The following DLG5 variants were observed in gnomAD, a reference collection of about 807,000 sequenced individuals.
The protein encoded by DLG5 is discs large MAGUK scaffold protein 5, also known as disks large homolog 5.
DLG5 carries 48 observed loss-of-function variants against 189.8 expected under a neutral mutation model. That is an observed-to-expected ratio of 0.25 (90% CI 0.20 to 0.32). The LOEUF is 0.32. Among genes scored for constraint, DLG5 ranks in the 10% least tolerant of loss-of-function variants. DLG5 has a pLI of 1.00. For synonymous variants in DLG5, 1,016 were observed against 1,054.1 expected (o/e 0.96, Z 0.70); for missense variants, 2,160 against 2,544.7 (o/e 0.85, Z 3.25).
At chr10:77,868,161 G>C (rs1408983598) in intron 2 of DLG5, 1 of 450,398 alleles carries the variant, frequency 2.2e-6, no homozygotes, top group South Asian at 1.6e-5. Context: ...TGCTGTGTAA[G>C]CCACCTGGTC....
Position 77,807,941 on chromosome 10 carries a change from C to A in DLG5, c.4651G>T (p.Gly1551Cys). 2 of 1,614,132 alleles carry A rather than the reference C, an allele frequency of 1.2e-6. No individual in the cohort carries two copies. Among genetic ancestry groups the A allele is most frequent in the Non-Finnish European group, 1.7e-6 (2 of 1,180,010 alleles). Residue 1551 changes from glycine (G) to cysteine (C), a missense_variant, in exon 25 of 32, where the codon GGC (glycine) becomes TGC (cysteine). Physicochemically the swap from Gly to Cys is radical, Grantham distance 159. This residue lies in a region of DLG5 where 574 missense variants were observed against 644.2 expected (regional missense o/e 0.89). Coordinates refer to ENST00000372391, the MANE Select transcript of DLG5 (RefSeq NM_004747.4). ...GTCTTGTTCCGCACGTCCAGGCTGC[C>A]ATACTGCCAGGGATGGGGGTGGATG... ...LVPGDLILEY[G>C]SLDVRNKTVE...
upstream of DLG5, chr10:77,928,824 G>A (rs1158453740): frequency 6.6e-6 from 1 of 152,058 alleles, no homozygotes; most frequent in Non-Finnish European, 1.5e-5. Flanking sequence ...CTCAGGAGTT[G>A]GAGACCAGCC....
chr10:77,880,899 G>A (rs1845257515), intron 1 of DLG5, among the ~76,000 whole-genome samples: 1 of 147,562 alleles, frequency 6.8e-6, no homozygotes, highest in Non-Finnish European at 1.5e-5. Flanking sequence ...CTTGCCCAAG[G>A]CCACAAAGCT....
At chr10:77,896,416 T>C (rs1845760679) in intron 1 of DLG5, among the ~76,000 whole-genome samples, 2 of 152,228 alleles carry the variant, frequency 1.3e-5, no homozygotes, top group African/African-American at 4.8e-5. Context: ...TGGTGTGTCA[T>C]GTAGGAATAT....
intron 1 of DLG5, among the ~76,000 whole-genome samples, chr10:77,881,513 T>C (rs1845281441): frequency 6.6e-6 from 1 of 152,206 alleles, no homozygotes; most frequent in Admixed American, 6.5e-5. Context: ...AGTCCTGGCT[T>C]CAACCTCTCT....
chr10:77,889,143 G>A lies in DLG5; in HGVS notation c.305-19946C>T, dbSNP rs375796192. Among the ~76,000 whole-genome samples the A allele has an allele frequency of 8.5e-5, 12 of 141,744 alleles. 2 individuals are homozygous for A. The highest frequency in any genetic ancestry group is 4.2e-4 in the East Asian group (2 of 4,782). The allele number at this position is 141,744 out of a possible 152,430, so 93.0% of individuals were successfully genotyped here. On this transcript the variant is annotated intron_variant, in intron 1 of 31. Coordinates refer to ENST00000372391, the MANE Select transcript of DLG5 (RefSeq NM_004747.4). ...ACCTCCCAGGCCTCACAAGCCCACA[G>A]GTAACCTCCCAGGCTTCACAAGCCC...
At chr10:77,817,749 C>T in intron 18 of DLG5, 28 bp downstream of exon 18, 3 of 1,539,170 alleles carry the variant, frequency 1.9e-6, no homozygotes, top group South Asian at 2.4e-5. Flanking sequence ...GCACCCTCTG[C>T]AGCACAAAGT....
chr10:77,891,221 T>TTCATG (rs1845597266), intron 1 of DLG5, among the ~76,000 whole-genome samples: 3 of 152,264 alleles, frequency 2.0e-5, no homozygotes. Flanking sequence ...TCAGGGTGGT[T>TTCATG]TCATGGATGT....
chr10:77,817,027 C>T lies in DLG5; in HGVS notation c.3854G>A (p.Ser1285Asn). Residue 1285 changes from serine (S) to asparagine (N), a missense_variant, in exon 19 of 32, where the codon AGT (serine) becomes AAT (asparagine). By Grantham distance (46) the Ser-to-Asn change is conservative. This residue lies in a region of DLG5 where 754 missense variants were observed against 746.5 expected (regional missense o/e 1.01). Coordinates refer to ENST00000372391, the MANE Select transcript of DLG5 (RefSeq NM_004747.4). ...KIPSTPRYPR[S>N]VVGSERGSVS... ...CTTACCTCTCTCGGAGCCCACGACA[C>T]TCCGCGGATATCTTGGTGTTGATGG... 6.2e-7 allele frequency: 1 copy of T among 1,614,150 alleles called. No individual in the cohort carries two copies. The highest frequency in any genetic ancestry group is 8.5e-7 in the Non-Finnish European group (1 of 1,180,034).
chr10:77,834,343 C>T (rs1589181827), intron 8 of DLG5, among the ~76,000 whole-genome samples: 1 of 152,134 alleles, frequency 6.6e-6, no homozygotes, highest in African/African-American at 2.4e-5. Context: ...CCACCCTCTG[C>T]ACACACTCAC....
Position 77,864,911 on chromosome 10 carries a change from CAA to C in DLG5, c.373+4216_373+4217del, listed in dbSNP as rs143335118. On this transcript the variant is annotated intron_variant, in intron 2 of 31. Transcript: ENST00000372391. ...CCAGGCCCCAGATCTCCAGCCAGAT[CAA>C]AGACTTGCTTTCGAACCCTTGACTC... 4.1e-3 allele frequency among the ~76,000 whole-genome samples: 627 copies of C among 152,278 alleles called. 5 individuals carry two copies. Among genetic ancestry groups the C allele is most frequent in the African/African-American group, 0.014 (596 of 41,536 alleles).
chr10:77,934,842 C>CTTTTTTTTTTTTTTTTTTT, the DLG5 span, among the ~76,000 whole-genome samples: 2 of 145,032 alleles, frequency 1.4e-5, no homozygotes, highest in African/African-American at 5.4e-5. Flanking sequence ...GGGTGCTGTT[C>CTTTTTTTTTTTTTTTTTTT]TTTTTTTTTG....
intron 13 of DLG5, among the ~76,000 whole-genome samples, chr10:77,827,070 G>A (rs1180966420): frequency 1.3e-5 from 2 of 152,294 alleles, no homozygotes; most frequent in East Asian, 3.9e-4. Flanking sequence ...AAGTGTCTGG[G>A]ACATAATATA....
intron 7 of DLG5, among the ~76,000 whole-genome samples, chr10:77,838,257 C>T (rs1843246182): frequency 6.6e-6 from 1 of 152,142 alleles, no homozygotes; most frequent in Non-Finnish European, 1.5e-5. Context: ...GAGCAGGGCC[C>T]GTCTAGGAAA....
intron 1 of DLG5, among the ~76,000 whole-genome samples, chr10:77,885,978 C>T (rs1285319657): frequency 6.6e-6 from 1 of 152,124 alleles, no homozygotes; most frequent in East Asian, 1.9e-4. Flanking sequence ...AGAGAAAGGT[C>T]CCCCCAGATA....
intron 1 of DLG5, among the ~76,000 whole-genome samples, chr10:77,907,940 A>C (rs932267083): frequency 1.1e-4 from 16 of 152,092 alleles, no homozygotes; most frequent in African/African-American, 3.6e-4. Context: ...AAAAATAATA[A>C]AGTATCCTAT....
At chr10:77,824,665 A>G (rs2154575736) in intron 13 of DLG5, 189 bp from the exon 14 acceptor site, 4 of 565,430 alleles carry the variant, frequency 7.1e-6, no homozygotes, top group Admixed American at 6.4e-5. Context: ...ATTCTGAGGT[A>G]GAGGAACACA....
chr10:77,828,739 A>G, intron 13 of DLG5, 143 bp downstream of exon 13: 1 of 731,472 alleles, frequency 1.4e-6, no homozygotes, highest in South Asian at 1.9e-5. Flanking sequence ...TACCATCAAG[A>G]AACCTATTTT....
At chr10:77,939,460 C>T in the DLG5 span, among the ~76,000 whole-genome samples, 1 of 152,166 alleles carries the variant, frequency 6.6e-6, no homozygotes, top group Non-Finnish European at 1.5e-5. Flanking sequence ...GGCACCAACC[C>T]TTCCACGGCA....
Sources: gnomAD v4.1 joint callset for allele counts (sites outside exome capture counted in the v4.1 genomes callset) on GRCh38, gnomAD v4.1.1 for gene constraint, gnomAD v4.1.1 regional missense constraint, MANE v1.5 for transcripts, NCBI Gene and HGNC (gene_info 2026-07-23, HGNC 2026-07-21) for gene names.